The following NLGN1 variants were observed in gnomAD, a reference collection of about 807,000 sequenced individuals.
The protein encoded by NLGN1 is neuroligin-1.
A neutral mutation model predicts 65.5 loss-of-function variants in NLGN1; 12 were observed. The ratio of observed to expected loss-of-function variants is 0.18; its 90% CI spans 0.12 to 0.30. The LOEUF (loss-of-function observed/expected upper bound fraction) is 0.30, where lower values mean the gene tolerates loss of function less well. Among genes scored for constraint, NLGN1 ranks in the 10% least tolerant of loss-of-function variants. The pLI, the probability that NLGN1 is intolerant of heterozygous loss-of-function variation, is 1.00. For missense variants in NLGN1, 750 were observed against 1,007.1 expected, an observed-to-expected ratio of 0.74 and a Z score of 3.46; for synonymous variants, 350 against 359.5, an observed-to-expected ratio of 0.97 and a Z score of 0.30.
chr3:173,806,782 G>A (rs1560410422), intron 3 of NLGN1, among the ~76,000 whole-genome samples: 1 of 151,926 alleles, frequency 6.6e-6, no homozygotes, highest in Non-Finnish European at 1.5e-5. Flanking sequence ...CAGAATTCAG[G>A]AAAAGTATGA....
At chr3:173,425,200 A>G (rs184799777) in intron 1 of NLGN1, among the ~76,000 whole-genome samples, 44 of 152,208 alleles carry the variant, frequency 2.9e-4, no homozygotes, top group Non-Finnish European at 8.8e-5. Flanking sequence ...TGTTCCCATG[A>G]TCTAATCGCC....
chr3:174,151,939 A>G (rs577735870), intron 4 of NLGN1, among the ~76,000 whole-genome samples: 1 of 152,286 alleles, frequency 6.6e-6, no homozygotes, highest in East Asian at 1.9e-4. Context: ...ATGAACTTCC[A>G]TATACCAATT....
chr3:173,561,430 A>G (rs1024619063), intron 2 of NLGN1, among the ~76,000 whole-genome samples: 8 of 151,812 alleles, frequency 5.3e-5, no homozygotes, highest in Non-Finnish European at 1.2e-4. Context: ...CTAGTACAAA[A>G]TCCCATCCCG....
At chr3:173,505,609 C>A (rs1476244338) in intron 2 of NLGN1, among the ~76,000 whole-genome samples, 1 of 151,996 alleles carries the variant, frequency 6.6e-6, no homozygotes, top group African/African-American at 2.4e-5. Context: ...TTACCTCCAC[C>A]TTGAAAGTTC....
intron 3 of NLGN1, among the ~76,000 whole-genome samples, chr3:173,645,441 G>A (rs528880781): frequency 3.6e-4 from 55 of 152,222 alleles, no homozygotes; most frequent in Middle Eastern, 3.4e-3. Flanking sequence ...ATCTCTTTTA[G>A]CACCACTATT....
intron 3 of NLGN1, among the ~76,000 whole-genome samples, chr3:173,803,494 G>A (rs1271828819): frequency 6.6e-6 from 1 of 151,968 alleles, no homozygotes; most frequent in Admixed American, 6.6e-5. Context: ...TATAATCTCA[G>A]GTACTCCGGA....
chr3:173,625,073 A>G (rs1026330836), intron 3 of NLGN1, among the ~76,000 whole-genome samples: 1 of 152,080 alleles, frequency 6.6e-6, no homozygotes, highest in Non-Finnish European at 1.5e-5. Context: ...AGAGTCCTCA[A>G]TTGTTTCTGG....
At chr3:173,609,819 CAG>C (rs1364155626) in intron 3 of NLGN1, among the ~76,000 whole-genome samples, 1 of 151,684 alleles carries the variant, frequency 6.6e-6, no homozygotes, top group Non-Finnish European at 1.5e-5. Context: ...GAAATTGAAA[CAG>C]AGTATGAAAG....
chr3:173,729,557 A>G (rs2150046652), intron 3 of NLGN1, among the ~76,000 whole-genome samples: 1 of 152,210 alleles, frequency 6.6e-6, no homozygotes, highest in East Asian at 1.9e-4. Context: ...CAATATGCAA[A>G]ATTGTAAGCT....
chr3:173,849,492 A>AG (rs1364814126), intron 4 of NLGN1, among the ~76,000 whole-genome samples: 1 of 42,564 alleles, frequency 2.3e-5, no homozygotes, highest in African/African-American at 1.1e-4. Context: ...ACATTAGCAG[A>AG]GGTCACGTTA....
At chr3:174,007,515 G>A (rs1724677666) in intron 4 of NLGN1, among the ~76,000 whole-genome samples, 1 of 152,124 alleles carries the variant, frequency 6.6e-6, no homozygotes, top group Non-Finnish European at 1.5e-5. Context: ...GTACTCTGTT[G>A]CATCCTCCTT....
At chr3:174,152,871 C>T (rs1432583360) in intron 4 of NLGN1, among the ~76,000 whole-genome samples, 1 of 152,118 alleles carries the variant, frequency 6.6e-6, no homozygotes, top group Admixed American at 6.6e-5. Context: ...ATTATCTGTT[C>T]AGCACCTAGT....
intron 1 of NLGN1, among the ~76,000 whole-genome samples, chr3:173,427,184 C>G (rs1266593417): frequency 2.0e-5 from 3 of 151,860 alleles, no homozygotes; most frequent in Admixed American, 1.3e-4. Flanking sequence ...TTTTTCATCT[C>G]TGATATTACT....
intron 3 of NLGN1, among the ~76,000 whole-genome samples, chr3:173,737,773 G>A (rs925923772): frequency 6.6e-6 from 1 of 151,888 alleles, no homozygotes; most frequent in Non-Finnish European, 1.5e-5. Context: ...TGTCTACTTA[G>A]AAGTAAAAGT....
chr3:174,261,686 C>G (rs1746942737), intron 4 of NLGN1, among the ~76,000 whole-genome samples: 1 of 138,500 alleles, frequency 7.2e-6, no homozygotes, highest in Non-Finnish European at 1.5e-5. Flanking sequence ...TTTCCTTCTC[C>G]TGCCTAATTG....
At chr3:173,565,696 G>C (rs1221161093) in intron 2 of NLGN1, among the ~76,000 whole-genome samples, 1 of 152,038 alleles carries the variant, frequency 6.6e-6, no homozygotes, top group Non-Finnish European at 1.5e-5. Flanking sequence ...CAAATTCCTA[G>C]TTATATGTAT....
chr3:173,488,417 T>A (rs918745752), intron 2 of NLGN1, among the ~76,000 whole-genome samples: 1 of 152,128 alleles, frequency 6.6e-6, no homozygotes, highest in Non-Finnish European at 1.5e-5. Flanking sequence ...CCTCCTGGAT[T>A]GAATTCTCTT....
At chr3:173,497,430 A>G (rs1256749639) in intron 2 of NLGN1, among the ~76,000 whole-genome samples, 3 of 151,514 alleles carry the variant, frequency 2.0e-5, no homozygotes, top group Admixed American at 1.3e-4. Context: ...ATTCTTATTT[A>G]TATCTTCTCT....
chr3:174,046,786 C>T (rs538186493), intron 4 of NLGN1, among the ~76,000 whole-genome samples: 1 of 152,034 alleles, frequency 6.6e-6, no homozygotes, highest in Admixed American at 6.6e-5. Flanking sequence ...TATGAAGGGG[C>T]AGATTCTATT....
Sources: allele counts gnomAD v4.1 joint callset (sites outside exome capture counted in the v4.1 genomes callset), GRCh38; gene constraint gnomAD v4.1.1; transcripts MANE v1.5; gene names NCBI Gene and HGNC (gene_info 2026-07-23, HGNC 2026-07-21).